The following TENM3 variants were observed in gnomAD, a reference collection of about 807,000 sequenced individuals.
TENM3 encodes the protein teneurin transmembrane protein 3.
TENM3 carries 63 observed loss-of-function variants against 255.1 expected under a neutral mutation model. The ratio of observed to expected loss-of-function variants is 0.25; its 90% confidence interval spans 0.20 to 0.30. The LOEUF (loss-of-function observed/expected upper bound fraction) is 0.30. Among genes scored for constraint, TENM3 ranks in the 10% least tolerant of loss-of-function variants. TENM3 has a pLI of 1.00. For missense variants in TENM3, 2,929 were observed against 3,461.1 expected (o/e 0.85, Z 3.86); for synonymous variants, 1,306 against 1,322.3 (o/e 0.99, Z 0.27).
At chr4:182,684,261 A>T (rs2152569649) in intron 11 of TENM3, among the ~76,000 whole-genome samples, 1 of 151,538 alleles carries the variant, frequency 6.6e-6, no homozygotes, top group South Asian at 2.1e-4. Flanking sequence ...AGCAGTGTTG[A>T]GTGAATAAAA....
At chr4:182,000,425 C>A in the TENM3 span, among the ~76,000 whole-genome samples, 1 of 151,964 alleles carries the variant, frequency 6.6e-6, no homozygotes, top group African/African-American at 2.4e-5. Flanking sequence ...GAAAGGAAAC[C>A]ATTCTCAAGC....
At chr4:181,901,155 G>T in the TENM3 span, among the ~76,000 whole-genome samples, 1 of 152,024 alleles carries the variant, frequency 6.6e-6, no homozygotes, top group Admixed American at 6.6e-5. Context: ...ATGGTGTGAG[G>T]TGCCCCAAGT....
intron 6 of TENM3, among the ~76,000 whole-genome samples, chr4:182,657,655 A>G (rs1252443754): frequency 6.6e-6 from 1 of 151,776 alleles, no homozygotes; most frequent in East Asian, 1.9e-4. Flanking sequence ...TTATTTGTTT[A>G]TTTATTTACT....
the TENM3 span, among the ~76,000 whole-genome samples, chr4:181,720,787 G>A: frequency 6.6e-6 from 1 of 151,662 alleles, no homozygotes; most frequent in East Asian, 1.9e-4. Context: ...TGATCACACT[G>A]GGCAATTTTA....
the TENM3 span, among the ~76,000 whole-genome samples, chr4:181,609,118 G>C: frequency 2.0e-5 from 3 of 152,286 alleles, no homozygotes; most frequent in African/African-American, 4.8e-5. Flanking sequence ...AAAGGAGTAG[G>C]GTAGGGAGTA....
At chr4:182,596,917 G>T (rs1747299993) in intron 3 of TENM3, among the ~76,000 whole-genome samples, 1 of 152,136 alleles carries the variant, frequency 6.6e-6, no homozygotes, top group African/African-American at 2.4e-5. Flanking sequence ...ATCAATCTGT[G>T]TATCAGTGAA....
intron 5 of TENM3, among the ~76,000 whole-genome samples, chr4:182,636,858 A>T (rs74943275): frequency 0.017 from 2,520 of 152,344 alleles, 38 homozygotes; most frequent in South Asian, 0.042. Flanking sequence ...GCTTACATCC[A>T]GTTTATGCTA....
chr4:182,010,050 C>T, the TENM3 span, among the ~76,000 whole-genome samples: 5 of 146,992 alleles, frequency 3.4e-5, no homozygotes, highest in South Asian at 4.3e-4. Context: ...GATGAGTGAA[C>T]CTGGATACTT....
At chr4:181,522,652 T>G in the TENM3 span, 2 of 597,034 alleles carry the variant, frequency 3.3e-6, no homozygotes, top group East Asian at 3.3e-5. Context: ...GCCATAGTTT[T>G]CAGAACCAAA....
At chr4:181,806,981 C>T in the TENM3 span, among the ~76,000 whole-genome samples, 1 of 152,004 alleles carries the variant, frequency 6.6e-6, no homozygotes. Context: ...TGTAGATACT[C>T]CATCAATTAG....
chr4:182,420,919 C>T (rs543836537), intron 3 of TENM3, among the ~76,000 whole-genome samples: 1 of 152,056 alleles, frequency 6.6e-6, no homozygotes, highest in Admixed American at 6.5e-5. Flanking sequence ...TTTTGGAAGC[C>T]ACATGCTTAT....
chr4:181,901,457 G>C, the TENM3 span, among the ~76,000 whole-genome samples: 6 of 152,140 alleles, frequency 3.9e-5, 1 homozygote, highest in Admixed American at 1.3e-4. Context: ...AAAGGAAAAG[G>C]CATCAGTGTT....
At chr4:182,040,713 A>G in the TENM3 span, among the ~76,000 whole-genome samples, 15 of 152,250 alleles carry the variant, frequency 9.9e-5, no homozygotes, top group African/African-American at 3.4e-4. Flanking sequence ...CATTTTTCTG[A>G]TAATCATATT....
intron 1 of TENM3, among the ~76,000 whole-genome samples, chr4:182,178,600 A>G (rs1752660590): frequency 6.6e-6 from 1 of 152,150 alleles, no homozygotes; most frequent in African/African-American, 2.4e-5. Flanking sequence ...TCCCTTCTAA[A>G]TTTAATAACA....
the TENM3 span, among the ~76,000 whole-genome samples, chr4:181,742,617 AAAAAT>A: frequency 6.6e-6 from 1 of 152,102 alleles, no homozygotes; most frequent in Admixed American, 6.6e-5. Context: ...TACTATGGAG[AAAAAT>A]AAAATAAGGA....
the TENM3 span, among the ~76,000 whole-genome samples, chr4:181,488,211 GA>G: frequency 5.3e-5 from 8 of 152,192 alleles, no homozygotes; most frequent in Non-Finnish European, 1.2e-4. Context: ...TTCAAGGACT[GA>G]ATGATATTTT....
chr4:182,702,530 T>C (rs900800128), intron 12 of TENM3, among the ~76,000 whole-genome samples: 1 of 152,186 alleles, frequency 6.6e-6, no homozygotes, highest in Non-Finnish European at 1.5e-5. Context: ...TCAATAATAT[T>C]TAATATGTAT....
chr4:181,976,794 G>A, the TENM3 span, among the ~76,000 whole-genome samples: 1 of 152,152 alleles, frequency 6.6e-6, no homozygotes, highest in Non-Finnish European at 1.5e-5. Flanking sequence ...TTAAATTCAC[G>A]ACCTGGAGAA....
chr4:181,745,815 C>T, the TENM3 span, among the ~76,000 whole-genome samples: 8 of 152,126 alleles, frequency 5.3e-5, no homozygotes, highest in Non-Finnish European at 1.0e-4. Flanking sequence ...AATATGAACA[C>T]CCAGAAGCAC....
Sources: gnomAD v4.1 joint callset for allele counts (sites outside exome capture counted in the v4.1 genomes callset) on GRCh38, gnomAD v4.1.1 for gene constraint, MANE v1.5 for transcripts, NCBI Gene and HGNC (gene_info 2026-07-23, HGNC 2026-07-21) for gene names.